Variants in TENM1 observed in about 807,000 individuals in gnomAD.
The protein encoded by TENM1 is teneurin-1.
TENM1 carries 35 observed loss-of-function variants against 174.8 expected under a neutral mutation model. That is an observed-to-expected ratio of 0.20 (90% CI 0.15 to 0.27). TENM1 has a LOEUF of 0.27. Among genes scored for constraint, TENM1 ranks in the 10% least tolerant of loss-of-function variants. TENM1 has a pLI of 1.00. For missense variants in TENM1, 1,633 were observed against 2,130.1 expected (o/e 0.77, Z 4.59); for synonymous variants, 781 against 798.7 (o/e 0.98, Z 0.37).
At chrX:124,562,914 C>T (rs2048851828) in intron 13 of TENM1, among the ~76,000 whole-genome samples, 2 of 111,777 alleles carry the variant, frequency 1.8e-5, no homozygotes, top group East Asian at 5.6e-4. Flanking sequence ...GTAGAAGTAA[C>T]CCAGTGTTCC....
chrX:124,472,383 G>GTT (rs374842150), intron 22 of TENM1, among the ~76,000 whole-genome samples: 60 of 78,257 alleles, frequency 7.7e-4, no homozygotes, highest in African/African-American at 2.3e-3. Context: ...GTACTCCTGG[G>GTT]TTTTTTTTTT....
At chrX:124,804,493 C>T (rs1160981803) in intron 3 of TENM1, among the ~76,000 whole-genome samples, 1 of 111,896 alleles carries the variant, frequency 8.9e-6, no homozygotes, top group South Asian at 3.7e-4. Context: ...CCTGGTTCTA[C>T]TATCCTATGA....
chrX:124,497,355 C>G, intron 19 of TENM1, 90 bp from the exon 23 acceptor site: 1 of 986,506 alleles, frequency 1.0e-6, no homozygotes, highest in Non-Finnish European at 1.4e-6. Flanking sequence ...TTCATCATCC[C>G]AAGCAGGAAG....
the TENM1 span, among the ~76,000 whole-genome samples, chrX:125,006,080 C>T: frequency 8.9e-6 from 1 of 111,923 alleles, no homozygotes; most frequent in Non-Finnish European, 1.9e-5. Context: ...CTCAGTGGGT[C>T]TGACTCCCAC....
intron 3 of TENM1, among the ~76,000 whole-genome samples, chrX:124,865,094 T>C (rs2056978358): frequency 8.9e-6 from 1 of 111,802 alleles, no homozygotes; most frequent in South Asian, 3.8e-4. Context: ...ATACCAGACC[T>C]GTTCTACAAG....
chrX:124,858,323 G>A (rs185161118), intron 3 of TENM1, among the ~76,000 whole-genome samples: 1 of 111,776 alleles, frequency 8.9e-6, no homozygotes, highest in Non-Finnish European at 1.9e-5. Context: ...CATGAATAAC[G>A]ACTTGAAGAA....
chrX:124,641,780 C>G lies in TENM1; in HGVS notation c.2077+11G>C. ...AGTAGAGGAAGGAGAAGGAAATTAACTCCACTACACCTGTTGAGCAGTCAG... is the reference window on the plus strand; with the variant it reads ...AGTAGAGGAAGGAGAAGGAAATTAAGTCCACTACACCTGTTGAGCAGTCAG... On this transcript the variant is annotated intron_variant, in intron 11 of 31. Coordinates refer to ENST00000422452, the Ensembl canonical transcript of TENM1. 8.3e-7 allele frequency: 1 copy of G among 1,200,675 alleles called. No homozygotes were observed. The highest frequency in any genetic ancestry group is 1.7e-5 in the African/African-American group (1 of 57,662).
At chrX:124,957,821 T>C (rs2058599488) in intron 1 of TENM1, among the ~76,000 whole-genome samples, 1 of 111,483 alleles carries the variant, frequency 9.0e-6, no homozygotes, top group African/African-American at 3.3e-5. Context: ...GTCCTCAACA[T>C]ACCTCCTTTT....
At chrX:124,955,271 G>A (rs149113901) in intron 1 of TENM1, among the ~76,000 whole-genome samples, 3,386 of 110,749 alleles carry the variant, frequency 0.031, 82 homozygotes, top group African/African-American at 0.088. Flanking sequence ...CCTGAGTCCC[G>A]CCCACTGGAA....
At chrX:124,920,013 G>A (rs1293561644) in intron 1 of TENM1, among the ~76,000 whole-genome samples, 1 of 110,930 alleles carries the variant, frequency 9.0e-6, no homozygotes. Flanking sequence ...ATGCTTCCTC[G>A]ATGTCACACT....
intron 25 of TENM1, among the ~76,000 whole-genome samples, chrX:124,408,745 T>C (rs1382211387): frequency 3.8e-5 from 4 of 106,318 alleles, no homozygotes; most frequent in Non-Finnish European, 5.8e-5. Flanking sequence ...TGTATACATG[T>C]GCCATGTTGG....
the TENM1 span, among the ~76,000 whole-genome samples, chrX:124,970,580 C>T: frequency 8.9e-6 from 1 of 112,221 alleles, no homozygotes; most frequent in Non-Finnish European, 1.9e-5. Context: ...TAAGAAAGCA[C>T]TTAAGAAGTG....
the TENM1 span, among the ~76,000 whole-genome samples, chrX:125,006,187 G>A: frequency 8.9e-6 from 1 of 111,931 alleles, no homozygotes; most frequent in East Asian, 2.8e-4. Context: ...TAGGGAGAGG[G>A]GTGACCACCA....
chrX:124,710,806 T>C (rs1484643814), intron 4 of TENM1, among the ~76,000 whole-genome samples: 2 of 112,414 alleles, frequency 1.8e-5, no homozygotes, highest in African/African-American at 6.5e-5. Flanking sequence ...TACTTTGTTG[T>C]GAACCATGAA....
At chrX:125,106,742 T>C in the TENM1 span, among the ~76,000 whole-genome samples, 52 of 111,559 alleles carry the variant, frequency 4.7e-4, no homozygotes, top group African/African-American at 1.7e-3. Flanking sequence ...CAGTTAGGGA[T>C]ATGAGAAATG....
intron 1 of TENM1, among the ~76,000 whole-genome samples, chrX:124,952,363 T>C (rs1194071461): frequency 9.1e-6 from 1 of 110,247 alleles, no homozygotes; most frequent in East Asian, 2.8e-4. Context: ...TGTGTGTGTG[T>C]GTGTGTATGT....
chrX:124,569,667 C>T (rs1472530498), intron 11 of TENM1, among the ~76,000 whole-genome samples: 2 of 110,805 alleles, frequency 1.8e-5, no homozygotes, highest in Non-Finnish European at 3.8e-5. Flanking sequence ...AAACATTAAA[C>T]GAATAAGACA....
chrX:124,384,187 A>T (rs2060193175), exon 30 of TENM1: 3 of 1,211,216 alleles, frequency 2.5e-6, no homozygotes, highest in Non-Finnish European at 3.4e-6. Flanking sequence ...TCCAGCCAGA[A>T]GCCTTATTGT....
intron 6 of TENM1, among the ~76,000 whole-genome samples, chrX:124,667,065 TTTC>T (rs1363364295): frequency 1.2e-4 from 14 of 112,150 alleles, no homozygotes; most frequent in African/African-American, 4.5e-4. Context: ...GTCCCAGCTC[TTTC>T]TATGTGATCT....
Sources: allele counts gnomAD v4.1 joint callset (sites outside exome capture counted in the v4.1 genomes callset), GRCh38; gene constraint gnomAD v4.1.1; transcripts MANE v1.5; gene names NCBI Gene and HGNC (gene_info 2026-07-23, HGNC 2026-07-21).